Variants in SH3PXD2B observed in about 807,000 individuals in gnomAD.
SH3PXD2B encodes SH3 and PX domain-containing protein 2B.
In SH3PXD2B, 37 loss-of-function variants were observed where a neutral mutation model predicts 73.1. That is an observed-to-expected ratio of 0.51 (90% CI 0.39 to 0.67). The LOEUF (loss-of-function observed/expected upper bound fraction) is 0.67. SH3PXD2B is among the 30% of genes least tolerant of loss of function. The pLI, the probability that SH3PXD2B is intolerant of heterozygous loss-of-function variation, is 0.00. For missense variants in SH3PXD2B, 1,053 were observed against 1,197.8 expected (o/e 0.88, Z 1.78); for synonymous variants, 457 against 480.5 (o/e 0.95, Z 0.64).
chr5:172,418,644 G>T (rs1758881016), intron 2 of SH3PXD2B, among the ~76,000 whole-genome samples: 1 of 152,222 alleles, frequency 6.6e-6, no homozygotes, highest in Admixed American at 6.5e-5. Flanking sequence ...CCCTGCTGGG[G>T]TGTGTGTGGG....
At chr5:172,432,521 C>A (rs763864590) in intron 1 of SH3PXD2B, among the ~76,000 whole-genome samples, 1 of 152,180 alleles carries the variant, frequency 6.6e-6, no homozygotes, top group Non-Finnish European at 1.5e-5. Flanking sequence ...CCGCTCTGCA[C>A]GTGCCCATGT....
chr5:172,444,417 T>C (rs1021816535), intron 1 of SH3PXD2B, among the ~76,000 whole-genome samples: 2 of 152,222 alleles, frequency 1.3e-5, no homozygotes, highest in Admixed American at 1.3e-4. Flanking sequence ...TTCTGTCACA[T>C]GCAATCCCAG....
At chr5:172,363,475 T>C (rs1757441290) in intron 6 of SH3PXD2B, among the ~76,000 whole-genome samples, 1 of 152,108 alleles carries the variant, frequency 6.6e-6, no homozygotes, top group Non-Finnish European at 1.5e-5. Flanking sequence ...AGATATAGAA[T>C]TATGTAAGCG....
intron 1 of SH3PXD2B, among the ~76,000 whole-genome samples, chr5:172,424,423 C>T (rs115666580): frequency 0.011 from 1,664 of 152,288 alleles, 29 homozygotes; most frequent in African/African-American, 0.038. Flanking sequence ...TGCCTGGCAG[C>T]GGTTTCCACA....
intron 1 of SH3PXD2B, among the ~76,000 whole-genome samples, chr5:172,435,316 T>C (rs1414590459): frequency 6.6e-6 from 1 of 152,180 alleles, no homozygotes; most frequent in African/African-American, 2.4e-5. Flanking sequence ...ATATATACTG[T>C]AGGGAGTTTG....
At chr5:172,394,721 G>T in intron 3 of SH3PXD2B, 82 bp from the exon 4 acceptor site, 1 of 1,468,740 alleles carries the variant, frequency 6.8e-7, no homozygotes, top group Non-Finnish European at 9.4e-7. Context: ...GGACATGGCG[G>T]TTCCTAGGGT....
chr5:172,394,529 C>T, intron 4 of SH3PXD2B, 34 bp downstream of exon 4: 2 of 1,608,122 alleles, frequency 1.2e-6, no homozygotes, highest in African/African-American at 1.3e-5. Context: ...AATACACCTA[C>T]AGGGAAGACT....
intron 6 of SH3PXD2B, among the ~76,000 whole-genome samples, chr5:172,368,548 TA>T (rs1453799688): frequency 1.7e-4 from 4 of 24,136 alleles, no homozygotes; most frequent in African/African-American, 3.2e-4. Flanking sequence ...ATAAAATATA[TA>T]TATATTATAT....
chr5:172,360,673 A>C (rs1055100901), intron 7 of SH3PXD2B, among the ~76,000 whole-genome samples: 7 of 152,280 alleles, frequency 4.6e-5, no homozygotes, highest in South Asian at 4.1e-4. Flanking sequence ...CTCTACTAAA[A>C]ATACAAAACT....
At position 172,358,854 on chromosome 5, in the gene SH3PXD2B, C is replaced by T. The variant is rs374493298; in HGVS notation, c.586G>A (p.Glu196Lys). The change falls in exon 8 of 13, where the codon GAG (glutamate) becomes AAG (lysine). Residue 196 changes from glutamate (E) to lysine (K), a missense_variant. Around this residue, in one of 2 missense-constraint regions of SH3PXD2B, gnomAD observed 466 missense variants for 607.1 expected, o/e 0.77. Coordinates refer to ENST00000311601, the MANE Select transcript of SH3PXD2B (RefSeq NM_001017995.3). ...ESGWWFVSTA[E>K]EQGWVPATCL... ...GTTGCAGGGACCCAGCCTTGCTCCT[C>T]GGCAGTGCTGACGAACCACCAACCT... The T allele has an allele frequency of 1.1e-5, 18 of 1,614,022 alleles. No individual in the cohort carries two copies. Among genetic ancestry groups the T allele is most frequent in the Admixed American group, 8.3e-5 (5 of 59,990 alleles).
rs1293620997 is a variant in SH3PXD2B at position 172,350,299 on chromosome 5, C to T, written c.1012+64G>A. ...TGAGGATGAGGGACGATGTGAGACG[C>T]CTTGAGCACAGAGCTGGCACACAGG... On this transcript the variant is annotated intron_variant, in intron 10 of 12. Coordinates refer to ENST00000311601, the MANE Select transcript of SH3PXD2B (RefSeq NM_001017995.3). 6 of 1,531,136 alleles carry T rather than the reference C, an allele frequency of 3.9e-6. No homozygotes were observed. The African/African-American group carries it at 5.5e-5, about 14-fold the overall frequency. The allele number at this position is 1,531,136 out of a possible 1,614,324, so 94.8% of individuals were successfully genotyped here.
Position 172,338,945 on chromosome 5 carries a change from GCTGAGAC to G in SH3PXD2B, c.2153_2159del (p.Gly718AlafsTer131). ...GGGCTCTGCAGGAAATCTCTTTTGGGCTGAGACCATCCTGTTTGCCCGTCCTGTCCTG... is the reference window on the plus strand; with the variant it reads ...GGGCTCTGCAGGAAATCTCTTTTGGGCATCCTGTTTGCCCGTCCTGTCCTG... On this transcript the variant is annotated frameshift_variant, in exon 13 of 13. Coordinates refer to ENST00000311601, the MANE Select transcript of SH3PXD2B (RefSeq NM_001017995.3). LOFTEE classifies it low-confidence loss of function (END_TRUNC). This position sits in a 1 kb window ranked among gnomAD's most constrained non-coding sequence, Gnocchi z 5.1. 6.2e-7 allele frequency: 1 copy of G among 1,614,182 alleles called. No individual in the cohort carries two copies. Among genetic ancestry groups the G allele is most frequent in the Admixed American group, 1.7e-5 (1 of 60,024 alleles).
At chr5:172,449,520 T>A (rs1759746461) in intron 1 of SH3PXD2B, among the ~76,000 whole-genome samples, 1 of 152,146 alleles carries the variant, frequency 6.6e-6, no homozygotes, top group Non-Finnish European at 1.5e-5. Context: ...CCCAAATGTA[T>A]AAATAAATCC....
chr5:172,341,737 G>A (rs546833974), intron 12 of SH3PXD2B, among the ~76,000 whole-genome samples: 2 of 152,232 alleles, frequency 1.3e-5, no homozygotes, highest in South Asian at 4.2e-4. Context: ...TGCAGGCTCC[G>A]CCGCCTGGGT....
chr5:172,429,594 C>T (rs1367107592), intron 1 of SH3PXD2B, among the ~76,000 whole-genome samples: 11 of 151,304 alleles, frequency 7.3e-5, no homozygotes, highest in Non-Finnish European at 1.6e-4. Context: ...TCTAAGTCAG[C>T]GAGAAGCCAA....
chr5:172,332,367 C>T (rs761062330), downstream of SH3PXD2B, among the ~76,000 whole-genome samples: 17 of 151,614 alleles, frequency 1.1e-4, no homozygotes, highest in Non-Finnish European at 2.2e-4. Context: ...AATCCTCCCA[C>T]TTCAGCCTCC....
intron 8 of SH3PXD2B, among the ~76,000 whole-genome samples, chr5:172,354,928 TG>T (rs1434671998): frequency 6.6e-6 from 1 of 152,146 alleles, no homozygotes. Flanking sequence ...CTGGAGGGCC[TG>T]GGCTCGGCAG....
chr5:172,420,087 T>C (rs74489794), intron 2 of SH3PXD2B, among the ~76,000 whole-genome samples: 2,717 of 152,306 alleles, frequency 0.018, 37 homozygotes, highest in Non-Finnish European at 0.027. Context: ...GCATCCCCAC[T>C]GTGATCCTCC....
chr5:172,374,452 C>T (rs1345077819), intron 5 of SH3PXD2B, among the ~76,000 whole-genome samples: 2 of 152,138 alleles, frequency 1.3e-5, no homozygotes, highest in African/African-American at 2.4e-5. Context: ...GAGGCTGAGG[C>T]GGGTGGATCA....
Sources: allele counts gnomAD v4.1 joint callset (sites outside exome capture counted in the v4.1 genomes callset), GRCh38; gene constraint gnomAD v4.1.1; regional missense constraint gnomAD v4.1.1; non-coding constraint Gnocchi (gnomAD v3.1); transcripts MANE v1.5; gene names NCBI Gene and HGNC (gene_info 2026-07-23, HGNC 2026-07-21).